Variants in CCDC9 observed in about 807,000 individuals in gnomAD.
CCDC9 encodes the protein coiled-coil domain-containing protein 9.
Under a neutral mutation model 65.6 loss-of-function variants are expected in CCDC9, and 52 were observed. The observed-to-expected ratio is 0.79, with a 90% confidence interval of 0.63 to 1.00. The LOEUF (loss-of-function observed/expected upper bound fraction) is 1.00. Ranked by LOEUF, CCDC9 falls within the 50% of genes least tolerant of loss-of-function variation. The probability of loss-of-function intolerance (pLI) is 0.00; values close to 1 mark genes in which losing one functional copy is unlikely to be tolerated. For missense variants in CCDC9, 834 were observed against 757.2 expected, an observed-to-expected ratio of 1.10 and a Z score of -1.19; for synonymous variants, 332 against 280.3, an observed-to-expected ratio of 1.18 and a Z score of -1.84.
At chr19:47,264,272 T>A (rs889949733) in intron 5 of CCDC9, among the ~76,000 whole-genome samples, 2 of 152,232 alleles carry the variant, frequency 1.3e-5, no homozygotes, top group African/African-American at 4.8e-5. Flanking sequence ...TGCCTTGGCC[T>A]CCCAAAGTGC....
Position 47,264,141 on chromosome 19 carries a change from A to G in CCDC9, c.463-462A>G, listed in dbSNP as rs1189684487. On this transcript the variant is annotated intron_variant, in intron 5 of 11. Coordinates refer to ENST00000221922, the MANE Select transcript of CCDC9 (RefSeq NM_015603.3). ...GGTGATCCACCCACTTCGGCCTCCC[A>G]AAGTGCTGGGATTACAGGCGTGAGC... Among the ~76,000 whole-genome samples, 6 of 152,206 alleles carry G rather than the reference A, an allele frequency of 3.9e-5. No homozygotes were observed. In the East Asian group the frequency reaches 1.2e-3, roughly 29 times the overall value.
At position 47,271,296 on chromosome 19, in the gene CCDC9, C is replaced by A. The variant is rs1328070931; in HGVS notation, c.1214C>A (p.Ala405Asp). The change falls in exon 12 of 12, where the codon GCC becomes GAC. Residue 405 changes from alanine (A) to aspartate (D), a missense_variant. Coordinates refer to ENST00000221922, the MANE Select transcript of CCDC9 (RefSeq NM_015603.3). ...PMQPPEIPAP[A>D]HRPPEDEGEE... ...AAGCCACCCGAGATCCCAGCTCCTGCCCACCGGCCTCCTGAAGACGAGGGG... is the reference window on the plus strand; with the variant it reads ...AAGCCACCCGAGATCCCAGCTCCTGACCACCGGCCTCCTGAAGACGAGGGG... 1.2e-6 allele frequency: 2 copies of A among 1,612,382 alleles called. No individual in the cohort carries two copies. Among genetic ancestry groups the A allele is most frequent in the African/African-American group, 2.7e-5 (2 of 74,802 alleles).
chr19:47,265,380 G>A (rs1202365409), intron 7 of CCDC9, among the ~76,000 whole-genome samples: 1 of 152,040 alleles, frequency 6.6e-6, no homozygotes, highest in Non-Finnish European at 1.5e-5. Context: ...AAGGATTTAT[G>A]GTATGTTTTG....
At chr19:47,265,996 T>C (rs1485212941) in intron 7 of CCDC9, among the ~76,000 whole-genome samples, 3 of 92,052 alleles carry the variant, frequency 3.3e-5, no homozygotes, top group Non-Finnish European at 7.0e-5. Context: ...TTTTTTTTTT[T>C]TTTTTTTTTT....
chr19:47,257,128 G>A (rs2059015477), intron 1 of CCDC9, among the ~76,000 whole-genome samples: 1 of 151,642 alleles, frequency 6.6e-6, no homozygotes, highest in African/African-American at 2.4e-5. Context: ...CGCGGCCAGA[G>A]CGTTGGCCGG....
intron 7 of CCDC9, chr19:47,266,384 C>T (rs2123466958): frequency 1.9e-6 from 1 of 514,696 alleles, no homozygotes; most frequent in Non-Finnish European, 3.3e-6. Context: ...ATGTGAGGTC[C>T]TACCAAGTGT....
In CCDC9 at chr19:47,271,285, C is replaced by A; in HGVS notation, c.1203C>A (p.Ile401=). 2 of 1,612,544 alleles carry A rather than the reference C, an allele frequency of 1.2e-6. No individual in the cohort carries two copies. Among genetic ancestry groups the A allele is most frequent in the Non-Finnish European group, 1.7e-6 (2 of 1,179,274 alleles). The stretch of plus-strand genomic sequence containing the variant: ...CTGTGTCCCCAAAGCCACCCGAGAT[C>A]CCAGCTCCTGCCCACCGGCCTCCTG... ...PKETPMQPPE[I]PAPAHRPPED... Residue 401 remains isoleucine, a synonymous_variant, in exon 12 of 12, where the codon ATC becomes ATA. Transcript: ENST00000221922.
At chr19:47,260,559 C>G in intron 4 of CCDC9, 29 bp from the exon 5 acceptor site, 1 of 1,543,596 alleles carries the variant, frequency 6.5e-7, no homozygotes, top group African/African-American at 1.4e-5. Context: ...GCCCCAGTGA[C>G]TGTATTTTCC....
At position 47,271,811 on chromosome 19, in the gene CCDC9, G is replaced by C; in HGVS notation, c.*133G>C. ...CCTTGGGGCTGGGCCCTGGGACCCAGTGTGCCCCACAGCCCTGTCAGCTGA... is the reference window on the plus strand; with the variant it reads ...CCTTGGGGCTGGGCCCTGGGACCCACTGTGCCCCACAGCCCTGTCAGCTGA... On this transcript the variant is annotated 3_prime_UTR_variant, in exon 12 of 12. Transcript: ENST00000221922. 6.9e-7 allele frequency: 1 copy of C among 1,443,314 alleles called. No homozygotes were observed. The highest frequency in any genetic ancestry group is 9.1e-7 in the Non-Finnish European group (1 of 1,103,286). 89.4% of individuals were successfully genotyped at this position (1,443,314 alleles called of 1,614,324 possible).
intron 1 of CCDC9, among the ~76,000 whole-genome samples, chr19:47,257,043 G>T (rs1260383873): frequency 4.1e-5 from 6 of 145,132 alleles, no homozygotes; most frequent in Non-Finnish European, 6.1e-5. Context: ...TGTAGTGGGG[G>T]AGCCAGGGGG....
chr19:47,274,825 G>T (rs1220386954), downstream of CCDC9: 5 of 854,972 alleles, frequency 5.8e-6, no homozygotes, highest in Non-Finnish European at 5.7e-6. Flanking sequence ...GGAGGCGGGC[G>T]GTTTAGAGAG....
chr19:47,275,170 C>G (rs1166125319), downstream of CCDC9: 25 of 1,469,450 alleles, frequency 1.7e-5, no homozygotes, highest in Non-Finnish European at 2.1e-5. Context: ...GGCGTGCCGC[C>G]TGTCCCGGCG....
At chr19:47,270,745 CTTCTT>C (rs2059111601) in intron 10 of CCDC9, 57 bp downstream of exon 10, 2 of 1,517,752 alleles carry the variant, frequency 1.3e-6, no homozygotes, top group Non-Finnish European at 1.8e-6. Context: ...AGGGCGTTCT[CTTCTT>C]TGGCTTGCTG....
chr19:47,269,013 A>C (rs950356934), intron 8 of CCDC9, among the ~76,000 whole-genome samples: 8 of 152,064 alleles, frequency 5.3e-5, no homozygotes, highest in African/African-American at 1.9e-4. Flanking sequence ...TAGGAGGCCA[A>C]GGCTGGAGGA....
At chr19:47,268,927 T>A (rs60202083) in intron 8 of CCDC9, among the ~76,000 whole-genome samples, 69,410 of 148,356 alleles carry the variant, frequency 0.47, 16,565 homozygotes, top group East Asian at 0.67. Flanking sequence ...CAAAAAATAA[T>A]AATAATAATA....
Position 47,268,369 on chromosome 19 carries a change from C to T in CCDC9, c.902+1577C>T, listed in dbSNP as rs79511776. 5.9e-5 allele frequency among the ~76,000 whole-genome samples: 9 copies of T among 152,260 alleles called. No homozygotes were observed. In the East Asian group the frequency reaches 1.7e-3, roughly 29 times the overall value. ...CATTCTTTCCTGTGTTGAAAGTTTT[C>T]ATTCACCTATAACTTGTTTTTTGGC... On this transcript the variant is annotated intron_variant, in intron 8 of 11. Transcript: ENST00000221922.
chr19:47,274,802 C>A, downstream of CCDC9: 1 of 619,854 alleles, frequency 1.6e-6, no homozygotes, highest in Non-Finnish European at 2.0e-6. Context: ...ACCATGCTGG[C>A]GGGGGCGGGG....
At chr19:47,270,739 C>G (rs777037057) in intron 10 of CCDC9, 51 bp downstream of exon 10, 1 of 1,539,426 alleles carries the variant, frequency 6.5e-7, no homozygotes, top group Admixed American at 2.0e-5. Flanking sequence ...CTCCGCAGGG[C>G]GTTCTCTTCT....
downstream of CCDC9, among the ~76,000 whole-genome samples, chr19:47,274,262 G>T (rs1017211801): frequency 6.6e-6 from 1 of 151,864 alleles, no homozygotes; most frequent in Non-Finnish European, 1.5e-5. Flanking sequence ...CGGGGGCGGA[G>T]CTAGGCTGCC....
Sources: gnomAD v4.1 joint callset for allele counts (sites outside exome capture counted in the v4.1 genomes callset) on GRCh38, gnomAD v4.1.1 for gene constraint, MANE v1.5 for transcripts, NCBI Gene and HGNC (gene_info 2026-07-23, HGNC 2026-07-21) for gene names.